Variants in PPP1R9A observed in about 807,000 individuals in gnomAD.
PPP1R9A encodes the protein neurabin-1.
Under a neutral mutation model 141.9 loss-of-function variants are expected in PPP1R9A, and 59 were observed. The ratio of observed to expected loss-of-function variants is 0.42; its 90% CI spans 0.34 to 0.52. The LOEUF is 0.52. Among genes scored for constraint, PPP1R9A ranks in the 20% least tolerant of loss-of-function variants. The probability of loss-of-function intolerance (pLI) is 0.10; values close to 1 mark genes in which losing one functional copy is unlikely to be tolerated. For synonymous variants in PPP1R9A, 500 were observed against 569.7 expected (o/e 0.88, Z 1.74); for missense variants, 1,444 against 1,611.9 (o/e 0.90, Z 1.78).
At chr7:95,210,062 T>G (rs1791746299) in intron 7 of PPP1R9A, among the ~76,000 whole-genome samples, 1 of 152,188 alleles carries the variant, frequency 6.6e-6, no homozygotes, top group Non-Finnish European at 1.5e-5. Flanking sequence ...ACCGTTTAGT[T>G]CAGGATCTCA....
intron 4 of PPP1R9A, among the ~76,000 whole-genome samples, chr7:95,131,482 T>G (rs1824600746): frequency 6.6e-6 from 1 of 152,158 alleles, no homozygotes; most frequent in Non-Finnish European, 1.5e-5. Context: ...GTTCCATTGG[T>G]TTATATGTCT....
At chr7:95,012,520 T>C (rs1804568994) in intron 2 of PPP1R9A, among the ~76,000 whole-genome samples, 1 of 152,136 alleles carries the variant, frequency 6.6e-6, no homozygotes, top group Non-Finnish European at 1.5e-5. Flanking sequence ...AAACCTGTAC[T>C]CTGTTGTCTG....
chr7:95,077,312 T>G (rs886776165), intron 2 of PPP1R9A, among the ~76,000 whole-genome samples: 1 of 152,194 alleles, frequency 6.6e-6, no homozygotes, highest in Admixed American at 6.5e-5. Flanking sequence ...TTAATTTATA[T>G]AATCTGTGAT....
intron 2 of PPP1R9A, among the ~76,000 whole-genome samples, chr7:94,969,920 C>T (rs891669050): frequency 2.6e-5 from 4 of 152,282 alleles, no homozygotes; most frequent in Admixed American, 6.5e-5. Context: ...CCCAGTTCGA[C>T]CTTTCTGGTG....
chr7:95,052,333 G>A (rs796682397), intron 2 of PPP1R9A, among the ~76,000 whole-genome samples: 10 of 152,272 alleles, frequency 6.6e-5, no homozygotes, highest in African/African-American at 2.4e-4. Flanking sequence ...TCATATAAGA[G>A]ATTATGATGG....
intron 2 of PPP1R9A, among the ~76,000 whole-genome samples, chr7:94,948,803 T>C (rs1054434984): frequency 9.9e-5 from 15 of 152,058 alleles, no homozygotes; most frequent in Non-Finnish European, 1.3e-4. Flanking sequence ...TTTCAGAACT[T>C]TTCCAGGTTT....
At chr7:95,252,467 ATTT>A (rs71127405) in intron 12 of PPP1R9A, among the ~76,000 whole-genome samples, 7 of 107,018 alleles carry the variant, frequency 6.5e-5, no homozygotes, top group Admixed American at 1.0e-4. Context: ...TAAGGTTTAG[ATTT>A]TTTTTTTTTT....
intron 2 of PPP1R9A, among the ~76,000 whole-genome samples, chr7:95,064,236 C>T (rs891558012): frequency 3.3e-5 from 5 of 152,106 alleles, no homozygotes; most frequent in African/African-American, 9.7e-5. Flanking sequence ...CCATGTTTCA[C>T]GTGTGTTTCT....
intron 2 of PPP1R9A, among the ~76,000 whole-genome samples, chr7:94,945,499 T>C (rs534838217): frequency 2.4e-4 from 37 of 152,240 alleles, no homozygotes; most frequent in African/African-American, 8.9e-4. Flanking sequence ...CAGTCTTTCA[T>C]TTTGTTTTGT....
intron 12 of PPP1R9A, among the ~76,000 whole-genome samples, chr7:95,261,286 C>T (rs911700500): frequency 5.9e-5 from 9 of 152,172 alleles, no homozygotes; most frequent in African/African-American, 2.2e-4. Flanking sequence ...AAATTCTGCT[C>T]TGTGTATGGT....
chr7:95,005,727 T>C (rs558834619), intron 2 of PPP1R9A, among the ~76,000 whole-genome samples: 77 of 152,202 alleles, frequency 5.1e-4, no homozygotes, highest in South Asian at 6.2e-4. Context: ...AGCATTTCTT[T>C]AAGATCTTTG....
At chr7:95,140,034 G>A (rs917373463) in intron 4 of PPP1R9A, among the ~76,000 whole-genome samples, 3 of 152,146 alleles carry the variant, frequency 2.0e-5, no homozygotes, top group African/African-American at 7.2e-5. Context: ...AGGCTATACT[G>A]GAAGAAAATA....
At chr7:95,231,840 A>T (rs1796003073) in intron 8 of PPP1R9A, among the ~76,000 whole-genome samples, 1 of 152,172 alleles carries the variant, frequency 6.6e-6, no homozygotes, top group African/African-American at 2.4e-5. Context: ...AGAACTGAAG[A>T]AACAAGAACA....
intron 2 of PPP1R9A, among the ~76,000 whole-genome samples, chr7:94,942,636 C>T (rs1474053403): frequency 6.6e-6 from 1 of 151,836 alleles, no homozygotes; most frequent in Admixed American, 6.6e-5. Flanking sequence ...AAACCTGTCT[C>T]AACTAAAAAT....
chr7:95,273,307 G>T (rs1490188726), intron 14 of PPP1R9A, among the ~76,000 whole-genome samples: 1 of 152,186 alleles, frequency 6.6e-6, no homozygotes, highest in Admixed American at 6.5e-5. Flanking sequence ...TTGTAGCTGA[G>T]CCCCTGTTTA....
intron 7 of PPP1R9A, among the ~76,000 whole-genome samples, chr7:95,208,968 A>AAAAAAAAAAAAAAAAAAAAAAC (rs1791486237): frequency 1.3e-5 from 2 of 148,360 alleles, no homozygotes; most frequent in African/African-American, 4.9e-5. Flanking sequence ...AAAAAAAAAA[A>AAAAAAAAAAAAAAAAAAAAAAC]AAAAAAAAAA....
At chr7:95,213,224 T>C (rs939026366) in intron 7 of PPP1R9A, among the ~76,000 whole-genome samples, 6 of 151,998 alleles carry the variant, frequency 3.9e-5, no homozygotes, top group Non-Finnish European at 7.4e-5. Context: ...CTTTAGGCAG[T>C]GACAGGTTTG....
At chr7:94,975,134 T>TTAGTATATAACATACTC (rs1287899265) in intron 2 of PPP1R9A, among the ~76,000 whole-genome samples, 1 of 152,160 alleles carries the variant, frequency 6.6e-6, no homozygotes, top group Non-Finnish European at 1.5e-5. Flanking sequence ...TAGAAGAATC[T>TTAGTATATAACATACTC]TAGTATATAA....
intron 5 of PPP1R9A, among the ~76,000 whole-genome samples, chr7:95,194,164 G>A (rs550243361): frequency 6.6e-6 from 1 of 151,912 alleles, no homozygotes; most frequent in Non-Finnish European, 1.5e-5. Context: ...TACCATTCTA[G>A]GATATAAGCT....
Sources: allele counts gnomAD v4.1 joint callset (sites outside exome capture counted in the v4.1 genomes callset), GRCh38; gene constraint gnomAD v4.1.1; transcripts MANE v1.5; gene names NCBI Gene and HGNC (gene_info 2026-07-23, HGNC 2026-07-21).